The following PYGL variants were observed in gnomAD, a reference collection of about 807,000 sequenced individuals.
PYGL encodes glycogen phosphorylase, liver form.
In PYGL, 90 loss-of-function variants were observed where a neutral mutation model predicts 100.1. That is an observed-to-expected ratio of 0.90 (90% CI 0.76 to 1.07). The LOEUF (loss-of-function observed/expected upper bound fraction) is 1.07. PYGL is among the 50% of genes least tolerant of loss of function. PYGL has a pLI of 0.00. For synonymous variants in PYGL, 373 were observed against 393.0 expected, an observed-to-expected ratio of 0.95 and a Z score of 0.60; for missense variants, 1,016 against 1,057.6, an observed-to-expected ratio of 0.96 and a Z score of 0.55.
At chr14:50,919,522 G>A (rs1368723186) in intron 7 of PYGL, among the ~76,000 whole-genome samples, 1 of 152,120 alleles carries the variant, frequency 6.6e-6, no homozygotes, top group Non-Finnish European at 1.5e-5. Flanking sequence ...GTAAAGCAGA[G>A]TGCTAATTTT....
At chr14:50,932,248 G>T (rs12432519) in intron 3 of PYGL, among the ~76,000 whole-genome samples, 25,256 of 152,082 alleles carry the variant, frequency 0.17, 2,700 homozygotes, top group East Asian at 0.44. Context: ...GATATTCTGT[G>T]GCCAGCTCTG....
At chr14:50,941,917 A>G (rs1388168041) in intron 1 of PYGL, among the ~76,000 whole-genome samples, 1 of 152,160 alleles carries the variant, frequency 6.6e-6, no homozygotes, top group African/African-American at 2.4e-5. Context: ...CAGGATTGGG[A>G]GAAATAATGG....
intron 17 of PYGL, 41 bp from the exon 18 acceptor site, chr14:50,908,996 T>G: frequency 2.5e-6 from 4 of 1,575,558 alleles, no homozygotes; most frequent in Non-Finnish European, 3.5e-6. Context: ...AAAGGCTCTG[T>G]TATTGTGTTG....
At chr14:50,905,610 A>C in intron 19 of PYGL, 54 bp from the exon 20 acceptor site, 5 of 1,556,518 alleles carry the variant, frequency 3.2e-6, no homozygotes, top group Non-Finnish European at 4.4e-6. Flanking sequence ...AGTGAGCTTT[A>C]TAATAAACAT....
chr14:50,937,305 A>G (rs1388805346), intron 2 of PYGL, among the ~76,000 whole-genome samples: 1 of 152,266 alleles, frequency 6.6e-6, no homozygotes, highest in Non-Finnish European at 1.5e-5. Flanking sequence ...GTATGACAAC[A>G]GAATTTTTAA....
At position 50,905,454 on chromosome 14, in the gene PYGL, C is replaced by T. The variant is rs372046135; in HGVS notation, c.2482G>A (p.Val828Met). Reference protein sequence around the residue: ...IKEYAQNIWNVEPSDLKISLS... With the variant: ...IKEYAQNIWNMEPSDLKISLS... Reference sequence around the variant, plus strand: ...GAAATCTTTAGATCTGAAGGTTCCACGTTCCAGATGTTTTGGGCATATTCT... The same window carrying T: ...GAAATCTTTAGATCTGAAGGTTCCATGTTCCAGATGTTTTGGGCATATTCT... Residue 828 changes from valine to methionine, a missense_variant, in exon 20 of 20, where the codon GTG (valine) becomes ATG (methionine). Transcript: ENST00000216392. 64 of 1,613,762 alleles carry T rather than the reference C, an allele frequency of 4.0e-5. No homozygotes were observed. The highest frequency in any genetic ancestry group is 5.5e-5 in the South Asian group (5 of 91,074).
At chr14:50,915,200 T>A (rs1347495756) in intron 11 of PYGL, 136 bp downstream of exon 11, 2 of 1,126,624 alleles carry the variant, frequency 1.8e-6, no homozygotes, top group Non-Finnish European at 2.6e-6. Flanking sequence ...TAGGCAAGAG[T>A]TTTTTGTATA....
At chr14:50,915,559 A>G in intron 10 of PYGL, 60 bp from the exon 11 acceptor site, 2 of 1,598,820 alleles carry the variant, frequency 1.3e-6, no homozygotes, top group Non-Finnish European at 1.7e-6. Flanking sequence ...CATTGGGATA[A>G]CGCTGTTCAT....
intron 1 of PYGL, among the ~76,000 whole-genome samples, chr14:50,943,423 C>G (rs2050717823): frequency 6.6e-6 from 1 of 152,236 alleles, no homozygotes; most frequent in South Asian, 2.1e-4. Context: ...TGGTCCCTGA[C>G]CAGCCTTCCT....
rs754045392 is a variant in PYGL at position 50,944,274 on chromosome 14, G to A, written c.130C>T (p.Arg44Cys). The stretch of plus-strand genomic sequence containing the variant: ...TAGTCGCGGGTGGTGGCCACGTTGC[G>A]GTCCTTGACCAGCGTGAAGTGCAGG... The part of the protein sequence containing the change: ...RHLHFTLVKD[R>C]NVATTRDYYF... Residue 44 changes from arginine (R) to cysteine (C), a missense_variant, in exon 1 of 20, where the codon CGC becomes TGC. Arg to Cys is a radical substitution (Grantham distance 180). Transcript: ENST00000216392. The A allele has an allele frequency of 2.5e-6, 4 of 1,613,952 alleles. No homozygotes were observed. The highest frequency in any genetic ancestry group is 1.7e-5 in the Admixed American group (1 of 60,028).
chr14:50,915,994 C>G (rs770302418), intron 9 of PYGL, 23 bp from the exon 10 acceptor site: 1 of 1,613,532 alleles, frequency 6.2e-7, no homozygotes, highest in East Asian at 2.2e-5. Context: ...AAGGAGTCAG[C>G]TGCTTGCCCT....
chr14:50,913,344 A>C (rs1025632465), intron 12 of PYGL: 29 of 268,758 alleles, frequency 1.1e-4, no homozygotes, highest in African/African-American at 6.0e-4. Context: ...CAGTTTTTAA[A>C]AATTATTTTT....
intron 6 of PYGL, 72 bp from the exon 7 acceptor site, chr14:50,920,695 G>T: frequency 7.0e-7 from 1 of 1,423,772 alleles, no homozygotes; most frequent in Non-Finnish European, 9.9e-7. Flanking sequence ...GATCTCACTG[G>T]CTCTGTGCTG....
At chr14:50,929,278 C>T (rs1238275937) in intron 4 of PYGL, among the ~76,000 whole-genome samples, 1 of 152,152 alleles carries the variant, frequency 6.6e-6, no homozygotes, top group East Asian at 1.9e-4. Context: ...GTCTCGAACT[C>T]CTGACCTCAA....
At chr14:50,909,257 T>G (rs912917176) in intron 17 of PYGL, among the ~76,000 whole-genome samples, 5 of 152,140 alleles carry the variant, frequency 3.3e-5, no homozygotes, top group Non-Finnish European at 7.4e-5. Context: ...AAAGCAGACT[T>G]TATGGCTTTA....
intron 17 of PYGL, among the ~76,000 whole-genome samples, chr14:50,909,538 G>A (rs957263699): frequency 2.0e-5 from 3 of 152,106 alleles, no homozygotes; most frequent in Non-Finnish European, 4.4e-5. Flanking sequence ...ATATCTTAAA[G>A]GAGCACTAGA....
chr14:50,912,995 T>G (rs1407379996), intron 13 of PYGL, 34 bp downstream of exon 13: 1 of 1,562,050 alleles, frequency 6.4e-7, no homozygotes, highest in Non-Finnish European at 8.8e-7. Context: ...TCACAGTGAG[T>G]GCCCAGGAGG....
Position 50,937,008 on chromosome 14 carries a change from G to A in PYGL, c.345+728C>T, listed in dbSNP as rs549951675. Among the ~76,000 whole-genome samples the A allele has an allele frequency of 1.6e-3, 245 of 152,256 alleles. 2 individuals are homozygous for A. The highest frequency in any genetic ancestry group is 5.5e-3 in the African/African-American group (228 of 41,554). ...AGTTAGCTATGACCTGGTTGTAGAC[G>A]TATTTGTTCTTGAGCGAAGGACACA... On this transcript the variant is annotated intron_variant, in intron 2 of 19. Coordinates refer to ENST00000216392, the MANE Select transcript of PYGL (RefSeq NM_002863.5).
chr14:50,944,077 G>A (rs1303124389), intron 1 of PYGL, 84 bp downstream of exon 1: 2 of 1,476,410 alleles, frequency 1.4e-6, no homozygotes, highest in East Asian at 2.5e-5. Context: ...CACTCTGAGG[G>A]GTTCTCCACC....
Sources: allele counts gnomAD v4.1 joint callset (sites outside exome capture counted in the v4.1 genomes callset), GRCh38; gene constraint gnomAD v4.1.1; transcripts MANE v1.5; gene names NCBI Gene and HGNC (gene_info 2026-07-23, HGNC 2026-07-21).